Variants in DOK6 observed in about 807,000 individuals in gnomAD.
DOK6 encodes the protein downstream of tyrosine kinase 6.
DOK6 carries 22 observed loss-of-function variants against 44.0 expected under a neutral mutation model. The ratio of observed to expected loss-of-function variants is 0.50; its 90% CI spans 0.36 to 0.71. The LOEUF (loss-of-function observed/expected upper bound fraction) is 0.71, where lower values mean the gene tolerates loss of function less well. Among genes scored for constraint, DOK6 ranks in the 30% least tolerant of loss-of-function variants. The pLI, the probability that DOK6 is intolerant of heterozygous loss-of-function variation, is 0.00. For missense variants in DOK6, 340 were observed against 416.4 expected (o/e 0.82, Z 1.60); for synonymous variants, 166 against 145.5 (o/e 1.14, Z -1.01).
intron 1 of DOK6, among the ~76,000 whole-genome samples, chr18:69,441,552 C>T (rs1024893807): frequency 1.3e-5 from 2 of 152,012 alleles, no homozygotes; most frequent in African/African-American, 2.4e-5. Flanking sequence ...CTGGACCTAC[C>T]TCCAATGATT....
chr18:69,838,936 C>G (rs188810541), intron 7 of DOK6, among the ~76,000 whole-genome samples: 1 of 150,900 alleles, frequency 6.6e-6, no homozygotes, highest in East Asian at 2.0e-4. Context: ...TAGCCCCTAC[C>G]TTAGTTCCTT....
chr18:69,591,809 T>A (rs1306282862), intron 2 of DOK6, among the ~76,000 whole-genome samples: 1 of 152,042 alleles, frequency 6.6e-6, no homozygotes, highest in East Asian at 1.9e-4. Context: ...TGCAATAACC[T>A]TCAATAAAAC....
chr18:69,640,405 A>G (rs4891762), intron 3 of DOK6, among the ~76,000 whole-genome samples: 7,920 of 152,276 alleles, frequency 0.052, 257 homozygotes, highest in Middle Eastern at 0.095. Context: ...CAAGCCTGAA[A>G]GATGTACCCT....
At chr18:69,835,348 C>T (rs1982017708) in intron 7 of DOK6, among the ~76,000 whole-genome samples, 1 of 151,886 alleles carries the variant, frequency 6.6e-6, no homozygotes, top group Non-Finnish European at 1.5e-5. Context: ...GCCTGTAGTC[C>T]CAGCTACTGG....
At position 69,544,258 on chromosome 18, in the gene DOK6, A is replaced by G. The variant is rs35576791; in HGVS notation, c.67-20229A>G. Reference sequence around the variant, plus strand: ...GGGTGACAGGGCAAGACTCCATCTCAGAAAAACAAAACAAAACAAAAAAAC... The same window carrying G: ...GGGTGACAGGGCAAGACTCCATCTCGGAAAAACAAAACAAAACAAAAAAAC... On this transcript the variant is annotated intron_variant, in intron 1 of 7. Coordinates refer to ENST00000382713, the MANE Select transcript of DOK6 (RefSeq NM_152721.6). Among the ~76,000 whole-genome samples the G allele has an allele frequency of 9.6e-3, 1,455 of 151,664 alleles. 31 individuals carry two copies. Among genetic ancestry groups the G allele is most frequent in the African/African-American group, 0.033 (1,384 of 41,496 alleles).
At chr18:69,722,526 C>A (rs1978290362) in intron 5 of DOK6, among the ~76,000 whole-genome samples, 1 of 152,098 alleles carries the variant, frequency 6.6e-6, no homozygotes, top group Non-Finnish European at 1.5e-5. Context: ...GGCAAAGCAC[C>A]AGATAGACAA....
At chr18:69,414,864 C>T (rs1047794621) in intron 1 of DOK6, among the ~76,000 whole-genome samples, 5 of 152,016 alleles carry the variant, frequency 3.3e-5, no homozygotes, top group Non-Finnish European at 5.9e-5. Context: ...ATTTTACAAA[C>T]ACGATAAGCC....
chr18:69,573,247 T>G (rs546225554), intron 2 of DOK6, among the ~76,000 whole-genome samples: 19 of 151,760 alleles, frequency 1.3e-4, no homozygotes, highest in African/African-American at 4.6e-4. Flanking sequence ...GTGTGATTTT[T>G]CCCTCCAATG....
intron 1 of DOK6, among the ~76,000 whole-genome samples, chr18:69,557,314 C>A (rs950876809): frequency 6.6e-6 from 1 of 152,156 alleles, no homozygotes; most frequent in Non-Finnish European, 1.5e-5. Context: ...TGTGATAAAA[C>A]AGGCCCATTA....
intron 3 of DOK6, among the ~76,000 whole-genome samples, chr18:69,645,856 G>A (rs1372602086): frequency 6.6e-6 from 1 of 152,088 alleles, no homozygotes; most frequent in African/African-American, 2.4e-5. Context: ...TTTTTTAAAT[G>A]TGTTTCTATG....
chr18:69,812,821 T>C (rs2145117312), intron 7 of DOK6, among the ~76,000 whole-genome samples: 1 of 152,120 alleles, frequency 6.6e-6, no homozygotes, highest in South Asian at 2.1e-4. Context: ...GAAGGAGAAG[T>C]GCTGAGCAAA....
intron 7 of DOK6, among the ~76,000 whole-genome samples, chr18:69,791,728 C>G (rs577669913): frequency 2.0e-5 from 3 of 151,750 alleles, no homozygotes; most frequent in Non-Finnish European, 2.9e-5. Flanking sequence ...TTGATTGTTT[C>G]CTTTGCTGTA....
At chr18:69,522,939 G>A (rs957026740) in intron 1 of DOK6, among the ~76,000 whole-genome samples, 5 of 152,062 alleles carry the variant, frequency 3.3e-5, no homozygotes, top group African/African-American at 9.7e-5. Flanking sequence ...TTTTCTGGGA[G>A]CCAGTTGTTG....
intron 5 of DOK6, among the ~76,000 whole-genome samples, chr18:69,704,702 A>G (rs1986596313): frequency 6.6e-6 from 1 of 152,138 alleles, no homozygotes; most frequent in Non-Finnish European, 1.5e-5. Context: ...GATGGTCTCC[A>G]TCTCCTGACT....
At chr18:69,839,452 A>G (rs770668247) in intron 7 of DOK6, among the ~76,000 whole-genome samples, 22 of 150,070 alleles carry the variant, frequency 1.5e-4, no homozygotes, top group Admixed American at 6.7e-4. Flanking sequence ...CTCCTCTCCT[A>G]GCTTCTTTGG....
chr18:69,549,056 A>G (rs1252930358), intron 1 of DOK6, among the ~76,000 whole-genome samples: 2 of 149,478 alleles, frequency 1.3e-5, no homozygotes, highest in Admixed American at 1.3e-4. Flanking sequence ...AGATCGCGCC[A>G]CTGCACATCA....
At chr18:69,710,716 A>C (rs530873677) in intron 5 of DOK6, among the ~76,000 whole-genome samples, 2 of 152,224 alleles carry the variant, frequency 1.3e-5, no homozygotes, top group South Asian at 4.1e-4. Context: ...TAGATCATGG[A>C]TTCATAATTG....
intron 7 of DOK6, among the ~76,000 whole-genome samples, chr18:69,825,559 G>C (rs1156769879): frequency 6.8e-6 from 1 of 146,946 alleles, no homozygotes; most frequent in Non-Finnish European, 1.5e-5. Context: ...TCAGTCTCCC[G>C]AGTAGCTGGG....
intron 1 of DOK6, among the ~76,000 whole-genome samples, chr18:69,420,795 C>T (rs1321922500): frequency 6.6e-6 from 1 of 152,116 alleles, no homozygotes; most frequent in African/African-American, 2.4e-5. Flanking sequence ...AGGAGGTTGG[C>T]GTATCTCTGA....
Sources: allele counts gnomAD v4.1 joint callset (sites outside exome capture counted in the v4.1 genomes callset), GRCh38; gene constraint gnomAD v4.1.1; transcripts MANE v1.5; gene names NCBI Gene and HGNC (gene_info 2026-07-23, HGNC 2026-07-21).